CFAP54: variants seen among roughly 807,000 people sequenced by gnomAD.
CFAP54 encodes cilia- and flagella-associated protein 54.
A neutral mutation model predicts 370.4 loss-of-function variants in CFAP54; 290 were observed. The ratio of observed to expected loss-of-function variants is 0.78; its 90% CI spans 0.71 to 0.86. The LOEUF (loss-of-function observed/expected upper bound fraction) is 0.86. CFAP54 is among the 40% of genes least tolerant of loss of function. The pLI is 0.00. For synonymous variants in CFAP54, 1,206 were observed against 1,236.5 expected (o/e 0.98, Z 0.52); for missense variants, 3,399 against 3,528.7 (o/e 0.96, Z 0.93).
chr12:96,820,079 C>G (rs1447642708), intron 65 of CFAP54, among the ~76,000 whole-genome samples: 4 of 152,114 alleles, frequency 2.6e-5, no homozygotes, highest in Non-Finnish European at 5.9e-5. Flanking sequence ...CAGAGAGAGC[C>G]CTTAGGAGCT....
At chr12:96,576,792 G>T in intron 20 of CFAP54, 31 bp downstream of exon 20, 1 of 1,487,456 alleles carries the variant, frequency 6.7e-7, no homozygotes, top group Non-Finnish European at 9.0e-7. Flanking sequence ...TTTGCCTCAT[G>T]CAAAGCAACA....
At chr12:96,573,121 C>T in intron 19 of CFAP54, 2 of 818,022 alleles carry the variant, frequency 2.4e-6, no homozygotes, top group Non-Finnish European at 3.0e-6. Context: ...AGGCTCCAGA[C>T]ATAATCCCGA....
rs1307421261 is a variant in CFAP54, at chr12:96,519,049, G to T, written c.920G>T (p.Cys307Phe). The change falls in exon 6 of 68, where the codon TGC becomes TTC. Residue 307 changes from cysteine to phenylalanine, a missense_variant. Cys to Phe is a radical substitution (Grantham distance 205). Transcript: ENST00000524981. ...YTAVCQCCYD[C>F]HAGIHGEAFA... ...GCTGTTTGCCAGTGCTGCTATGACT[G>T]CCATGCCGGGATTCACGGAGAGGTA... 6.5e-7 allele frequency: 1 copy of T among 1,534,696 alleles called. No individual in the cohort carries two copies. Among genetic ancestry groups the T allele is most frequent in the East Asian group, 2.4e-5 (1 of 40,894 alleles).
At chr12:96,618,444 T>G (rs1956447040) in intron 26 of CFAP54, among the ~76,000 whole-genome samples, 1 of 152,158 alleles carries the variant, frequency 6.6e-6, no homozygotes, top group Non-Finnish European at 1.5e-5. Context: ...GATTCGCTTC[T>G]CGTCTCTCAA....
rs557423235 is a variant in CFAP54 at position 96,614,674 on chromosome 12, T to C, written c.3640-6916T>C. 7.2e-5 allele frequency among the ~76,000 whole-genome samples: 11 copies of C among 152,312 alleles called. No individual in the cohort carries two copies. The South Asian group carries it at 2.3e-3, about 32-fold the overall frequency. ...AAGCAACTTCAGCAAAGTCTCAGGA[T>C]ACAAAATCAATGTGCAAAAATCACA... On this transcript the variant is annotated intron_variant, in intron 26 of 67. Transcript: ENST00000524981.
chr12:96,828,815 T>C (rs1028942469), intron 65 of CFAP54, among the ~76,000 whole-genome samples, 199 bp from the exon 66 acceptor site: 8 of 152,182 alleles, frequency 5.3e-5, no homozygotes, highest in Non-Finnish European at 1.0e-4. Flanking sequence ...TTTCAAAATC[T>C]TATTTTGTAC....
chr12:96,837,751 C>T (rs932728080), intron 66 of CFAP54, among the ~76,000 whole-genome samples: 4 of 152,192 alleles, frequency 2.6e-5, no homozygotes, highest in Admixed American at 2.6e-4. Context: ...GTACAGTAAA[C>T]ATTTGTGAAG....
chr12:96,626,232 A>G (rs1956548099), intron 29 of CFAP54, among the ~76,000 whole-genome samples: 1 of 151,946 alleles, frequency 6.6e-6, no homozygotes. Flanking sequence ...AAAAATACAA[A>G]AATTATCCAC....
chr12:96,709,360 G>A (rs779448676), intron 48 of CFAP54, among the ~76,000 whole-genome samples: 71 of 152,186 alleles, frequency 4.7e-4, no homozygotes, highest in Non-Finnish European at 9.3e-4. Flanking sequence ...TTTCTATGGG[G>A]TATATAACCC....
chr12:96,648,462 C>A (rs80191776), intron 34 of CFAP54, among the ~76,000 whole-genome samples: 14,857 of 151,914 alleles, frequency 0.098, 902 homozygotes, highest in Middle Eastern at 0.16. Flanking sequence ...TCCACCATTG[C>A]CCTAGGATTT....
At chr12:96,614,283 T>C (rs1055984865) in intron 26 of CFAP54, among the ~76,000 whole-genome samples, 1 of 152,224 alleles carries the variant, frequency 6.6e-6, no homozygotes, top group African/African-American at 2.4e-5. Context: ...TCTCAATAGA[T>C]GCAGAAAAGG....
intron 50 of CFAP54, among the ~76,000 whole-genome samples, chr12:96,731,878 TAAAAA>T (rs920724742): frequency 6.6e-6 from 1 of 151,152 alleles, no homozygotes; most frequent in East Asian, 1.9e-4. Context: ...CAACAAACTT[TAAAAA>T]AAAAGATCAC....
chr12:96,658,159 A>G, intron 37 of CFAP54, 52 bp from the exon 38 acceptor site: 5 of 1,584,848 alleles, frequency 3.2e-6, no homozygotes, highest in African/African-American at 1.4e-5. Flanking sequence ...GAAAAAAAAA[A>G]AAGTCTTTTA....
intron 5 of CFAP54, among the ~76,000 whole-genome samples, chr12:96,515,717 G>A (rs1361944536): frequency 1.3e-5 from 2 of 152,076 alleles, no homozygotes; most frequent in Non-Finnish European, 2.9e-5. Context: ...ATGATGGCTA[G>A]CTTTTGTTAT....
intron 39 of CFAP54, among the ~76,000 whole-genome samples, chr12:96,675,666 T>C (rs1411253393): frequency 4.6e-5 from 7 of 152,068 alleles, no homozygotes; most frequent in Admixed American, 4.6e-4. Flanking sequence ...CTATTCACAA[T>C]AGCAAAGACT....
intron 26 of CFAP54, among the ~76,000 whole-genome samples, chr12:96,600,765 G>T (rs909347156): frequency 1.3e-5 from 2 of 152,172 alleles, no homozygotes; most frequent in Non-Finnish European, 2.9e-5. Flanking sequence ...CTGTTTGTCT[G>T]TTAATGGTGT....
Position 96,547,932 on chromosome 12 carries a change from T to A in CFAP54, c.2108T>A (p.Phe703Tyr), listed in dbSNP as rs1434053791. Residue 703 changes from phenylalanine (F) to tyrosine (Y), a missense_variant, in exon 15 of 68, where the codon TTC becomes TAC. Around this residue, in one of 3 missense-constraint regions of CFAP54, gnomAD observed 2,796 missense variants for 2,869.7 expected, o/e 0.97. Transcript: ENST00000524981. ...DVPLREGTNK[F>Y]PGAPKGITEI... ...CCTTTAAGAGAAGGGACTAACAAATTCCCTGGAGCTCCAAAAGGGATCACA... is the reference window on the plus strand; with the variant it reads ...CCTTTAAGAGAAGGGACTAACAAATACCCTGGAGCTCCAAAAGGGATCACA... 15 of 1,507,144 alleles carry A rather than the reference T, an allele frequency of 1.0e-5. No individual in the cohort carries two copies. The highest frequency in any genetic ancestry group is 1.2e-5 in the Non-Finnish European group (13 of 1,129,020). 93.4% of individuals were successfully genotyped at this position (1,507,144 alleles called of 1,614,324 possible).
intron 55 of CFAP54, among the ~76,000 whole-genome samples, chr12:96,748,363 C>G (rs571867835): frequency 8.5e-5 from 13 of 152,246 alleles, no homozygotes; most frequent in Admixed American, 7.2e-4. Context: ...TAAAGAAACT[C>G]TATTTCTAAT....
chr12:96,786,239 G>C (rs1958627767), intron 61 of CFAP54, among the ~76,000 whole-genome samples: 1 of 150,372 alleles, frequency 6.7e-6, no homozygotes, highest in South Asian at 2.1e-4. Context: ...GGTGTGCAAG[G>C]CTGCGATCTT....
Sources: allele counts gnomAD v4.1 joint callset (sites outside exome capture counted in the v4.1 genomes callset), GRCh38; gene constraint gnomAD v4.1.1; regional missense constraint gnomAD v4.1.1; transcripts MANE v1.5; gene names NCBI Gene and HGNC (gene_info 2026-07-23, HGNC 2026-07-21).